KLHL1: variants seen among roughly 807,000 people sequenced by gnomAD.
The protein encoded by KLHL1 is kelch-like protein 1.
In KLHL1, 47 loss-of-function variants were observed where a neutral mutation model predicts 77.7. The ratio of observed to expected loss-of-function variants is 0.60; its 90% CI spans 0.48 to 0.77. KLHL1 has a LOEUF of 0.77. Among genes scored for constraint, KLHL1 ranks in the 30% least tolerant of loss-of-function variants. The pLI, the probability that KLHL1 is intolerant of heterozygous loss-of-function variation, is 0.00. For missense variants in KLHL1, 925 were observed against 910.8 expected (o/e 1.02, Z -0.20); for synonymous variants, 360 against 325.2 (o/e 1.11, Z -1.15).
intron 7 of KLHL1, among the ~76,000 whole-genome samples, chr13:69,793,182 G>A (rs1876944971): frequency 6.6e-6 from 1 of 151,874 alleles, no homozygotes; most frequent in African/African-American, 2.4e-5. Context: ...AACTGAAATA[G>A]TGCATTGTAG....
At chr13:69,974,788 G>C (rs141656154) in intron 2 of KLHL1, among the ~76,000 whole-genome samples, 55 of 152,034 alleles carry the variant, frequency 3.6e-4, no homozygotes, top group African/African-American at 9.6e-4. Context: ...ATAATTTGTG[G>C]TTTTGCCACA....
At chr13:69,944,615 C>A (rs1481813564) in intron 3 of KLHL1, among the ~76,000 whole-genome samples, 2 of 152,104 alleles carry the variant, frequency 1.3e-5, no homozygotes, top group African/African-American at 2.4e-5. Flanking sequence ...GCTCAAAGAT[C>A]AATATTGCTA....
intron 5 of KLHL1, among the ~76,000 whole-genome samples, chr13:69,857,371 T>C (rs938876308): frequency 2.6e-5 from 4 of 152,038 alleles, no homozygotes; most frequent in African/African-American, 4.8e-5. Context: ...TTGCCTCAAA[T>C]TTACCTTCAA....
At chr13:69,758,869 A>G (rs2137961640) in intron 7 of KLHL1, among the ~76,000 whole-genome samples, 1 of 152,318 alleles carries the variant, frequency 6.6e-6, no homozygotes, top group Admixed American at 6.5e-5. Flanking sequence ...TACCTAGAAA[A>G]TACTCATTTT....
In KLHL1 at chr13:69,882,448, T is replaced by G; in HGVS notation, c.1062A>C (p.Pro354=). The G allele has an allele frequency of 6.2e-7, 1 of 1,613,946 alleles. No homozygotes were observed. The highest frequency in any genetic ancestry group is 8.5e-7 in the Non-Finnish European group (1 of 1,179,816). ...CCAGTAGTTTATGGAGCTCCTCAGCTGGAAGGAGTAAAAACTCTTGATTTC... is the reference window on the plus strand; with the variant it reads ...CCAGTAGTTTATGGAGCTCCTCAGCGGGAAGGAGTAAAAACTCTTGATTTC... The part of the protein sequence containing the change: ...VIRNQEFLLL[P]AEELHKLLAS... Residue 354 remains proline, a synonymous_variant, in exon 5 of 11, where the codon CCA becomes CCC. Coordinates refer to ENST00000377844, the MANE Select transcript of KLHL1 (RefSeq NM_020866.3).
chr13:69,981,367 CA>C (rs1566469652), intron 1 of KLHL1, among the ~76,000 whole-genome samples: 2 of 151,682 alleles, frequency 1.3e-5, no homozygotes, highest in African/African-American at 4.8e-5. Flanking sequence ...ACGAAAACGG[CA>C]AAATAAATTT....
At chr13:69,863,429 T>A (rs1213261042) in intron 5 of KLHL1, among the ~76,000 whole-genome samples, 2 of 151,744 alleles carry the variant, frequency 1.3e-5, no homozygotes, top group Non-Finnish European at 2.9e-5. Context: ...TGCTTCTCAT[T>A]TTTTTCTCCT....
At chr13:70,035,942 C>A (rs1031595238) in intron 1 of KLHL1, among the ~76,000 whole-genome samples, 6 of 152,084 alleles carry the variant, frequency 3.9e-5, no homozygotes, top group African/African-American at 1.2e-4. Context: ...TTTACAATAT[C>A]ATTGCTTTAG....
At chr13:69,970,492 G>T (rs1884352191) in intron 2 of KLHL1, among the ~76,000 whole-genome samples, 1 of 152,020 alleles carries the variant, frequency 6.6e-6, no homozygotes, top group African/African-American at 2.4e-5. Flanking sequence ...TGTCCCAGGG[G>T]CAGTGATGTT....
intron 4 of KLHL1, among the ~76,000 whole-genome samples, chr13:69,929,706 A>T (rs925451207): frequency 6.6e-6 from 1 of 151,912 alleles, no homozygotes; most frequent in African/African-American, 2.4e-5. Context: ...ATATTATGCT[A>T]GTTGTAAAAT....
chr13:69,961,296 A>G lies in KLHL1; in HGVS notation c.817+12T>C. 6.2e-7 allele frequency: 1 copy of G among 1,602,352 alleles called. No individual in the cohort carries two copies. Among genetic ancestry groups the G allele is most frequent in the Non-Finnish European group, 8.5e-7 (1 of 1,172,944 alleles). On this transcript the variant is annotated intron_variant, in intron 3 of 10. Coordinates refer to ENST00000377844, the MANE Select transcript of KLHL1 (RefSeq NM_020866.3). ...AAGACATCAGAATGATGTTATAATT[A>G]TTTTGCCATACCTGTATATGCAAAT...
chr13:69,982,580 A>G (rs1784341545), intron 1 of KLHL1, among the ~76,000 whole-genome samples: 1 of 151,392 alleles, frequency 6.6e-6, no homozygotes, highest in Admixed American at 6.6e-5. Flanking sequence ...AATCTACCAA[A>G]CAACCAGAAA....
chr13:70,038,591 T>TTTTA (rs1240303566), intron 1 of KLHL1, among the ~76,000 whole-genome samples: 13 of 139,562 alleles, frequency 9.3e-5, no homozygotes, highest in Non-Finnish European at 2.0e-4. Context: ...ATTTTTTTTT[T>TTTTA]TTTTTTTTTT....
At chr13:69,987,444 A>G (rs1368053292) in intron 1 of KLHL1, among the ~76,000 whole-genome samples, 2 of 152,110 alleles carry the variant, frequency 1.3e-5, no homozygotes, top group Non-Finnish European at 1.5e-5. Flanking sequence ...TCAGCTATTC[A>G]ATAAAAATCA....
chr13:70,080,940 A>G (rs897155059), intron 1 of KLHL1, among the ~76,000 whole-genome samples: 1 of 152,144 alleles, frequency 6.6e-6, no homozygotes, highest in Admixed American at 6.5e-5. Context: ...TATCCTTTGG[A>G]ATATAGCAGC....
chr13:70,075,586 TATAC>T (rs1206149200), intron 1 of KLHL1, among the ~76,000 whole-genome samples: 18 of 111,794 alleles, frequency 1.6e-4, no homozygotes, highest in Non-Finnish European at 2.6e-4. Context: ...TATATATATA[TATAC>T]ACACACACAC....
At chr13:69,885,234 C>A (rs933497479) in intron 4 of KLHL1, among the ~76,000 whole-genome samples, 1 of 136,840 alleles carries the variant, frequency 7.3e-6, no homozygotes, top group Non-Finnish European at 1.5e-5. Flanking sequence ...GCCACCGCGC[C>A]CGGCCCTTCT....
chr13:69,988,380 T>A (rs1884933640), intron 1 of KLHL1, among the ~76,000 whole-genome samples: 1 of 152,120 alleles, frequency 6.6e-6, no homozygotes, highest in African/African-American at 2.4e-5. Context: ...GGCATTTAGG[T>A]TGATTCCATG....
chr13:70,035,489 A>G (rs912533629), intron 1 of KLHL1, among the ~76,000 whole-genome samples: 1 of 152,094 alleles, frequency 6.6e-6, no homozygotes, highest in African/African-American at 2.4e-5. Context: ...GGTACAAAAA[A>G]TAAATAGAAA....
Sources: gnomAD v4.1 joint callset for allele counts (sites outside exome capture counted in the v4.1 genomes callset) on GRCh38, gnomAD v4.1.1 for gene constraint, MANE v1.5 for transcripts, NCBI Gene and HGNC (gene_info 2026-07-23, HGNC 2026-07-21) for gene names.